Variants in DLGAP1 observed in about 807,000 individuals in gnomAD.
DLGAP1 encodes the protein disks large-associated protein 1.
DLGAP1 carries 11 observed loss-of-function variants against 90.8 expected under a neutral mutation model. The observed-to-expected ratio is 0.12, with a 90% confidence interval of 0.08 to 0.20. The LOEUF (loss-of-function observed/expected upper bound fraction) is 0.20, where lower values mean the gene tolerates loss of function less well. Among genes scored for constraint, DLGAP1 ranks in the 10% least tolerant of loss-of-function variants. DLGAP1 has a pLI of 1.00. For synonymous variants in DLGAP1, 558 were observed against 540.7 expected, an observed-to-expected ratio of 1.03 and a Z score of -0.44; for missense variants, 1,050 against 1,333.8, an observed-to-expected ratio of 0.79 and a Z score of 3.31.
chr18:3,582,497 A>G (rs41274304), intron 7 of DLGAP1, among the ~76,000 whole-genome samples: 5,976 of 152,270 alleles, frequency 0.039, 170 homozygotes, highest in Middle Eastern at 0.075. Context: ...GGAAGTTTCT[A>G]AAATGGAAAT....
At chr18:3,926,315 G>A (rs1485856084) in intron 3 of DLGAP1, among the ~76,000 whole-genome samples, 2 of 152,046 alleles carry the variant, frequency 1.3e-5, no homozygotes, top group African/African-American at 4.8e-5. Context: ...TCCCAGCTGT[G>A]ACAGCCAAAA....
chr18:3,677,173 T>C (rs1180959280), intron 7 of DLGAP1, among the ~76,000 whole-genome samples: 1 of 152,202 alleles, frequency 6.6e-6, no homozygotes. Context: ...CTCCAGTTCC[T>C]CAACCACCAG....
At chr18:4,298,868 T>C (rs2080051814) in intron 1 of DLGAP1, among the ~76,000 whole-genome samples, 1 of 150,876 alleles carries the variant, frequency 6.6e-6, no homozygotes, top group African/African-American at 2.4e-5. Context: ...GATCACGAGG[T>C]CAAGAGATCG....
chr18:4,273,986 C>T (rs2079346647), intron 1 of DLGAP1, among the ~76,000 whole-genome samples: 1 of 150,946 alleles, frequency 6.6e-6, no homozygotes. Flanking sequence ...TTGATTTTTA[C>T]TATAATTTTT....
intron 3 of DLGAP1, 58 bp from the exon 4 acceptor site, chr18:3,880,198 G>T: frequency 1.2e-6 from 1 of 822,234 alleles, no homozygotes; most frequent in South Asian, 1.7e-5. Flanking sequence ...ATTAGGTATT[G>T]CACTTTACAG....
rs1414929459 is a variant in DLGAP1, at chr18:3,656,298, GTCT to G, written c.1591+72834_1591+72836del. 6 of 499,806 alleles carry G rather than the reference GTCT, an allele frequency of 1.2e-5. No individual in the cohort carries two copies. The Admixed American group carries it at 2.3e-4, about 19-fold the overall frequency. The allele number at this position is 499,806 out of a possible 1,614,324, so 31.0% of individuals were successfully genotyped here. On this transcript the variant is annotated intron_variant, in intron 7 of 12. Coordinates refer to ENST00000315677, the MANE Select transcript of DLGAP1 (RefSeq NM_004746.4). ...TTAGTCTTAACTAGGTCTCATGGAT[GTCT>G]TCTTTTCCCCCACTAAAACCATTTG...
At chr18:3,639,425 A>G (rs1274696907) in intron 7 of DLGAP1, among the ~76,000 whole-genome samples, 1 of 149,478 alleles carries the variant, frequency 6.7e-6, no homozygotes, top group Non-Finnish European at 1.5e-5. Context: ...GCTGTGAACC[A>G]TGACCTGGGT....
At chr18:4,031,915 C>T (rs1034041445) in intron 2 of DLGAP1, among the ~76,000 whole-genome samples, 3 of 152,168 alleles carry the variant, frequency 2.0e-5, no homozygotes, top group African/African-American at 4.8e-5. Context: ...TATGAAACCA[C>T]ATGTGGTGGC....
chr18:3,760,304 A>C (rs528573386), intron 5 of DLGAP1, among the ~76,000 whole-genome samples: 1 of 152,292 alleles, frequency 6.6e-6, no homozygotes, highest in East Asian at 1.9e-4. Flanking sequence ...CACAGGGCCA[A>C]TCCAAGAGGA....
chr18:3,678,399 A>G (rs1258385540), intron 7 of DLGAP1, among the ~76,000 whole-genome samples: 4 of 151,696 alleles, frequency 2.6e-5, no homozygotes, highest in Admixed American at 2.0e-4. Context: ...CTCAAATCAC[A>G]TCTCCTTCAC....
At chr18:4,440,721 A>G (rs1174396849) in intron 1 of DLGAP1, among the ~76,000 whole-genome samples, 3 of 152,218 alleles carry the variant, frequency 2.0e-5, no homozygotes, top group Non-Finnish European at 4.4e-5. Flanking sequence ...TCACTATTCA[A>G]TCAGTTTTAC....
intron 7 of DLGAP1, among the ~76,000 whole-genome samples, chr18:3,664,220 A>ACACC (rs1555620400): frequency 1.4e-4 from 20 of 143,344 alleles, no homozygotes; most frequent in African/African-American, 4.3e-4. Flanking sequence ...ACACACACCC[A>ACACC]CACACACACA....
At chr18:4,123,018 A>G (rs1318615431) in intron 2 of DLGAP1, among the ~76,000 whole-genome samples, 2 of 152,186 alleles carry the variant, frequency 1.3e-5, no homozygotes, top group African/African-American at 4.8e-5. Flanking sequence ...TGGAGTGGAA[A>G]TTATTGTATA....
Position 4,455,016 on chromosome 18 carries a change from C to A in DLGAP1, c.-277G>T, listed in dbSNP as rs2083939926. 1 of 151,660 alleles carries A rather than the reference C, an allele frequency of 6.6e-6. No individual in the cohort carries two copies. Among genetic ancestry groups the A allele is most frequent in the South Asian group, 2.0e-4 (1 of 4,894 alleles). 9.4% of individuals were successfully genotyped at this position (151,660 alleles called of 1,614,324 possible). On this transcript the variant is annotated 5_prime_UTR_variant, in exon 1 of 13. Coordinates refer to ENST00000315677, the MANE Select transcript of DLGAP1 (RefSeq NM_004746.4). ...GCAGCCCGGCGTTACCTGGCCGCGTCCCGCAGTCCGGCCCTCGCTGGCTGC... is the reference window on the plus strand; with the variant it reads ...GCAGCCCGGCGTTACCTGGCCGCGTACCGCAGTCCGGCCCTCGCTGGCTGC...
At chr18:4,453,569 A>G (rs960128571) in intron 1 of DLGAP1, among the ~76,000 whole-genome samples, 3 of 152,152 alleles carry the variant, frequency 2.0e-5, no homozygotes, top group African/African-American at 7.2e-5. Flanking sequence ...CTTTCAGGGT[A>G]AAAAATAATT....
intron 1 of DLGAP1, among the ~76,000 whole-genome samples, chr18:4,215,346 T>A (rs4798201): frequency 0.6 from 90,982 of 152,008 alleles, 28,558 homozygotes; most frequent in East Asian, 0.8. Flanking sequence ...CCAATTATCT[T>A]TGTCAATATT....
intron 1 of DLGAP1, among the ~76,000 whole-genome samples, chr18:4,381,742 T>C (rs2082123821): frequency 6.6e-6 from 1 of 152,152 alleles, no homozygotes. Context: ...CTTGATTTCT[T>C]CATACTGATA....
Position 4,265,715 on chromosome 18 carries a change from T to C in DLGAP1, c.-266-114428A>G, listed in dbSNP as rs76310846. Reference sequence around the variant, plus strand: ...TTCCTTCCTTCCCTCCTCTCTTCAGTGTCTCACTGTTGCTCAGGCTGCACT... The same window carrying C: ...TTCCTTCCTTCCCTCCTCTCTTCAGCGTCTCACTGTTGCTCAGGCTGCACT... On this transcript the variant is annotated intron_variant, in intron 1 of 12. Coordinates refer to ENST00000315677, the MANE Select transcript of DLGAP1 (RefSeq NM_004746.4). 7.6e-3 allele frequency among the ~76,000 whole-genome samples: 1,027 copies of C among 135,456 alleles called. 20 individuals are homozygous for C. Among genetic ancestry groups the C allele is most frequent in the Middle Eastern group, 0.023 (6 of 260 alleles). 88.9% of individuals were successfully genotyped at this position (135,456 alleles called of 152,430 possible). A position where few individuals can be genotyped will look rare whatever the true frequency, so the allele number is the denominator to read the frequency against.
chr18:4,160,600 C>T (rs1303484434), intron 1 of DLGAP1, among the ~76,000 whole-genome samples: 1 of 152,116 alleles, frequency 6.6e-6, no homozygotes, highest in Non-Finnish European at 1.5e-5. Flanking sequence ...GACTGAGATG[C>T]AGAGATATTA....
Sources: allele counts gnomAD v4.1 joint callset (sites outside exome capture counted in the v4.1 genomes callset), GRCh38; gene constraint gnomAD v4.1.1; transcripts MANE v1.5; gene names NCBI Gene and HGNC (gene_info 2026-07-23, HGNC 2026-07-21).